Variants in FOXN2 observed in about 807,000 individuals in gnomAD.
The protein encoded by FOXN2 is forkhead box N2.
Under a neutral mutation model 41.2 loss-of-function variants are expected in FOXN2, and 19 were observed. The ratio of observed to expected loss-of-function variants is 0.46; its 90% CI spans 0.32 to 0.68. FOXN2 has a LOEUF of 0.68. FOXN2 is among the 30% of genes least tolerant of loss of function. The pLI, the probability that FOXN2 is intolerant of heterozygous loss-of-function variation, is 0.03. For missense variants in FOXN2, 587 were observed against 509.4 expected (o/e 1.15, Z -1.47); for synonymous variants, 195 against 176.8 (o/e 1.10, Z -0.82).
In FOXN2 at chr2:48,377,741, C is replaced by T. The variant is rs1673340236; in HGVS notation, c.*2298C>T. ...ACACAATATTTTACAGTTTCTTAAA[C>T]ATAATTTAATGCATCACCTTCCACT... On this transcript the variant is annotated 3_prime_UTR_variant, in exon 7 of 7. Transcript: ENST00000340553. The T allele has an allele frequency of 6.6e-6, 1 of 152,056 alleles. No individual in the cohort carries two copies. The highest frequency in any genetic ancestry group is 2.4e-5 in the African/African-American group (1 of 41,432). 9.4% of individuals were successfully genotyped at this position (152,056 alleles called of 1,614,324 possible).
intron 2 of FOXN2, among the ~76,000 whole-genome samples, chr2:48,339,199 A>G (rs550334315): frequency 6.6e-6 from 1 of 152,260 alleles, no homozygotes; most frequent in Admixed American, 6.5e-5. Flanking sequence ...GCAAATTAAA[A>G]CTGCAAGGAG....
At chr2:48,339,960 A>G (rs2104320295) in intron 2 of FOXN2, among the ~76,000 whole-genome samples, 1 of 152,340 alleles carries the variant, frequency 6.6e-6, no homozygotes, top group South Asian at 2.1e-4. Context: ...TGCTACAATA[A>G]TGTTAATGAA....
chr2:48,331,733 C>G (rs1476403567), intron 2 of FOXN2, among the ~76,000 whole-genome samples: 2 of 151,466 alleles, frequency 1.3e-5, no homozygotes, highest in Admixed American at 6.6e-5. Flanking sequence ...AGGAGGATCG[C>G]TTGAGCCCAA....
At chr2:48,328,064 G>C (rs1420502424) in intron 1 of FOXN2, among the ~76,000 whole-genome samples, 3 of 152,138 alleles carry the variant, frequency 2.0e-5, no homozygotes, top group African/African-American at 7.2e-5. Context: ...CAATTTATTT[G>C]GCTATAGGTG....
intron 1 of FOXN2, among the ~76,000 whole-genome samples, chr2:48,316,778 G>A (rs13387171): frequency 0.45 from 68,094 of 151,988 alleles, 15,473 homozygotes; most frequent in South Asian, 0.55. Context: ...GCTTTGGTAG[G>A]TTTGAATTAT....
chr2:48,361,413 G>A (rs1313446516), intron 4 of FOXN2, among the ~76,000 whole-genome samples: 2 of 151,592 alleles, frequency 1.3e-5, no homozygotes, highest in East Asian at 3.9e-4. Context: ...GTTGCAGTGA[G>A]CCGAGATTGC....
chr2:48,332,571 C>T (rs1317979984), intron 2 of FOXN2, among the ~76,000 whole-genome samples: 1 of 152,172 alleles, frequency 6.6e-6, no homozygotes, highest in Non-Finnish European at 1.5e-5. Context: ...CTATCCTTAA[C>T]ACTAGACAAA....
intron 1 of FOXN2, among the ~76,000 whole-genome samples, chr2:48,324,430 G>A (rs1572697967): frequency 6.6e-6 from 1 of 152,300 alleles, no homozygotes; most frequent in South Asian, 2.1e-4. Context: ...CTGACCTCAA[G>A]TGATTTGCCT....
chr2:48,359,285 TTTA>T, intron 4 of FOXN2, 138 bp downstream of exon 4: 1 of 664,524 alleles, frequency 1.5e-6, no homozygotes, highest in South Asian at 2.1e-5. Context: ...GTTTTTAGTT[TTTA>T]GTTTTTGTTT....
At position 48,318,999 on chromosome 2, in the gene FOXN2, C is replaced by T. The variant is rs1001518216; in HGVS notation, c.-157+4185C>T. ...CAGATAATGGAAAATTACTTTGATT[C>T]TTCCCGAGTAGATACATTACTGTTA... is the stretch of plus-strand genomic sequence containing the variant. On this transcript the variant is annotated intron_variant, in intron 1 of 6. Coordinates refer to ENST00000340553, the MANE Select transcript of FOXN2 (RefSeq NM_002158.4). Among the ~76,000 whole-genome samples, 7 of 152,184 alleles carry T rather than the reference C, an allele frequency of 4.6e-5. No individual in the cohort carries two copies. In the South Asian group the frequency reaches 1.4e-3, roughly 31 times the overall value.
intron 5 of FOXN2, among the ~76,000 whole-genome samples, chr2:48,370,645 G>A (rs1004398204): frequency 2.0e-5 from 3 of 152,012 alleles, no homozygotes; most frequent in African/African-American, 4.8e-5. Context: ...TAAATTAGAG[G>A]ATTTTGGTTT....
chr2:48,374,340 A>T (rs1673097096), intron 6 of FOXN2, among the ~76,000 whole-genome samples: 1 of 152,204 alleles, frequency 6.6e-6, no homozygotes, highest in Non-Finnish European at 1.5e-5. Flanking sequence ...AAATGAAATA[A>T]TATTGAGGTA....
chr2:48,373,933 T>C (rs1175830426), intron 6 of FOXN2, among the ~76,000 whole-genome samples: 3 of 151,926 alleles, frequency 2.0e-5, no homozygotes, highest in Admixed American at 2.0e-4. Context: ...TGCATGCCTG[T>C]AGTCCCAGCT....
intron 5 of FOXN2, among the ~76,000 whole-genome samples, chr2:48,369,518 ACAAGAGTGAAACTC>A (rs1472779156): frequency 1.3e-5 from 2 of 152,240 alleles, no homozygotes; most frequent in African/African-American, 4.8e-5. Flanking sequence ...AGCCTGGACG[ACAAGAGTGAAACTC>A]CATCTCAAAA....
At chr2:48,333,977 G>A (rs1670180256) in intron 2 of FOXN2, among the ~76,000 whole-genome samples, 1 of 151,954 alleles carries the variant, frequency 6.6e-6, no homozygotes, top group Non-Finnish European at 1.5e-5. Flanking sequence ...TTTAGATAAG[G>A]GATTGCAGAC....
intron 2 of FOXN2, among the ~76,000 whole-genome samples, chr2:48,338,866 C>T (rs1670546541): frequency 6.6e-6 from 1 of 152,038 alleles, no homozygotes; most frequent in African/African-American, 2.4e-5. Flanking sequence ...ATAAATTCTA[C>T]CATATGAAAG....
rs980728805 is a variant in FOXN2 at position 48,378,501 on chromosome 2, T to C, written c.*3058T>C. The C allele has an allele frequency of 6.6e-6, 1 of 151,964 alleles. No individual in the cohort carries two copies. The highest frequency in any genetic ancestry group is 1.5e-5 in the Non-Finnish European group (1 of 67,868). 9.4% of individuals were successfully genotyped at this position (151,964 alleles called of 1,614,324 possible). ...GAGAATGTGTTAAGGAGGGAATGTA[T>C]ATGTCTTGGTAGACCAGGAGGCCTT... On this transcript the variant is annotated 3_prime_UTR_variant, in exon 7 of 7. Coordinates refer to ENST00000340553, the MANE Select transcript of FOXN2 (RefSeq NM_002158.4).
At chr2:48,355,827 A>G (rs1437025180) in intron 3 of FOXN2, among the ~76,000 whole-genome samples, 1 of 152,208 alleles carries the variant, frequency 6.6e-6, no homozygotes, top group African/African-American at 2.4e-5. Flanking sequence ...CTATCATCAT[A>G]CCATTTTTAC....
chr2:48,324,089 C>G (rs1162968712), intron 1 of FOXN2, among the ~76,000 whole-genome samples: 1 of 151,982 alleles, frequency 6.6e-6, no homozygotes, highest in Non-Finnish European at 1.5e-5. Flanking sequence ...TCAACTATCT[C>G]TTAAGTAGAG....
Sources: gnomAD v4.1 joint callset for allele counts (sites outside exome capture counted in the v4.1 genomes callset) on GRCh38, gnomAD v4.1.1 for gene constraint, MANE v1.5 for transcripts, NCBI Gene and HGNC (gene_info 2026-07-23, HGNC 2026-07-21) for gene names.